POC1A: variants seen among roughly 807,000 people sequenced by gnomAD.
POC1A encodes POC1 centriolar protein A.
In POC1A, 34 loss-of-function variants were observed where a neutral mutation model predicts 47.8. That is an observed-to-expected ratio of 0.71 (90% CI 0.54 to 0.95). The LOEUF (loss-of-function observed/expected upper bound fraction) is 0.95. Among genes scored for constraint, POC1A ranks in the 40% least tolerant of loss-of-function variants. POC1A has a pLI of 0.00. For missense variants in POC1A, 466 were observed against 528.3 expected (o/e 0.88, Z 1.16); for synonymous variants, 177 against 207.6 (o/e 0.85, Z 1.27).
At chr3:52,076,404 C>T (rs1033414776) in intron 10 of POC1A, among the ~76,000 whole-genome samples, 1 of 152,236 alleles carries the variant, frequency 6.6e-6, no homozygotes, top group African/African-American at 2.4e-5. Flanking sequence ...CATCAACCAC[C>T]TCCACTCCAG....
At chr3:52,097,661 C>A (rs187646705) in intron 9 of POC1A, among the ~76,000 whole-genome samples, 1 of 152,314 alleles carries the variant, frequency 6.6e-6, no homozygotes, top group East Asian at 1.9e-4. Flanking sequence ...GTATTCTATT[C>A]TCATAGATCA....
intron 7 of POC1A, among the ~76,000 whole-genome samples, chr3:52,134,614 A>G (rs1055462003): frequency 2.0e-5 from 3 of 152,196 alleles, no homozygotes; most frequent in African/African-American, 7.2e-5. Flanking sequence ...CCTGGGCGAC[A>G]GGGCGAAACT....
intron 4 of POC1A, among the ~76,000 whole-genome samples, chr3:52,148,125 A>G (rs917704093): frequency 2.0e-5 from 3 of 152,206 alleles, no homozygotes; most frequent in Non-Finnish European, 4.4e-5. Context: ...CATCAGTGTC[A>G]TTACTCTGGG....
intron 10 of POC1A, among the ~76,000 whole-genome samples, chr3:52,082,248 C>T (rs139510200): frequency 5.2e-4 from 79 of 152,258 alleles, no homozygotes; most frequent in Non-Finnish European, 2.6e-4. Context: ...CAGAGTCCAG[C>T]GCAGGGGAGC....
chr3:52,145,548 C>T (rs1170277438), intron 6 of POC1A, among the ~76,000 whole-genome samples: 3 of 152,194 alleles, frequency 2.0e-5, no homozygotes, highest in African/African-American at 7.2e-5. Context: ...CTGACCAGAG[C>T]CCCAGTGAGG....
chr3:52,120,550 T>C (rs542072060), intron 9 of POC1A, among the ~76,000 whole-genome samples: 4 of 152,370 alleles, frequency 2.6e-5, no homozygotes, highest in East Asian at 3.9e-4. Context: ...TCAGGTACTA[T>C]GTGGAAATGT....
intron 9 of POC1A, among the ~76,000 whole-genome samples, chr3:52,116,524 T>C (rs138282359): frequency 1.3e-5 from 2 of 152,278 alleles, no homozygotes; most frequent in Non-Finnish European, 2.9e-5. Context: ...TGCTCTCTCA[T>C]CTGGGAGCAC....
intron 9 of POC1A, among the ~76,000 whole-genome samples, chr3:52,116,654 T>C (rs921573214): frequency 1.3e-5 from 2 of 152,144 alleles, no homozygotes; most frequent in African/African-American, 4.8e-5. Context: ...TTATAAGTGC[T>C]CCCATTATTG....
intron 6 of POC1A, among the ~76,000 whole-genome samples, chr3:52,144,951 G>A (rs746160986): frequency 7.9e-5 from 12 of 152,172 alleles, no homozygotes; most frequent in Non-Finnish European, 1.6e-4. Flanking sequence ...TTAAGGAAGC[G>A]AGCCCAAGAA....
intron 9 of POC1A, among the ~76,000 whole-genome samples, chr3:52,108,320 A>G (rs112336864): frequency 0.017 from 2,520 of 152,300 alleles, 59 homozygotes; most frequent in African/African-American, 0.053. Flanking sequence ...TGTCAGCTCC[A>G]CTTGCAGCTG....
chr3:52,147,409 G>C (rs1698403203), intron 4 of POC1A, among the ~76,000 whole-genome samples: 2 of 151,886 alleles, frequency 1.3e-5, no homozygotes, highest in African/African-American at 4.8e-5. Flanking sequence ...GAGTTTTTCA[G>C]GAAACTGTGA....
chr3:52,109,957 C>T (rs1703323121), intron 9 of POC1A, among the ~76,000 whole-genome samples: 7 of 152,122 alleles, frequency 4.6e-5, no homozygotes, highest in Non-Finnish European at 1.5e-5. Context: ...GCAGACTCTA[C>T]CACCCTCTGT....
chr3:52,139,164 T>C (rs1001274110), intron 6 of POC1A, among the ~76,000 whole-genome samples: 2 of 152,124 alleles, frequency 1.3e-5, no homozygotes, highest in African/African-American at 4.8e-5. Context: ...TGAGCCTCAG[T>C]TTCTCCATCT....
chr3:52,130,122 AC>A (rs753541588), intron 7 of POC1A, among the ~76,000 whole-genome samples: 5 of 152,132 alleles, frequency 3.3e-5, no homozygotes, highest in African/African-American at 7.2e-5. Context: ...ATGCTGGCAA[AC>A]CCACCACCAC....
rs1429920689 is a variant in POC1A at position 52,084,270 on chromosome 3, C to T, written c.1126-8285G>A. On this transcript the variant is annotated intron_variant, in intron 10 of 10. Coordinates refer to ENST00000296484, the MANE Select transcript of POC1A (RefSeq NM_015426.5). The surrounding 1 kb of genome is among the most constrained non-coding windows in gnomAD (Gnocchi z 4.3). ...AGGTCCCTTCCAGGAGCTGCTCCTC[C>T]TCCCATGACCATTGTTGTCACCACC... 2.0e-5 allele frequency among the ~76,000 whole-genome samples: 3 copies of T among 152,236 alleles called. No individual in the cohort carries two copies. The highest frequency in any genetic ancestry group is 2.9e-5 in the Non-Finnish European group (2 of 68,036).
At chr3:52,115,358 A>G (rs1703526076) in intron 9 of POC1A, among the ~76,000 whole-genome samples, 1 of 152,140 alleles carries the variant, frequency 6.6e-6, no homozygotes, top group African/African-American at 2.4e-5. Flanking sequence ...TCTAAGACAT[A>G]TAAATCTGGG....
rs778815204 is a variant in POC1A, at chr3:52,154,420, G to T, written c.-48C>A. 36 of 1,401,464 alleles carry T rather than the reference G, an allele frequency of 2.6e-5. No individual in the cohort carries two copies. Among genetic ancestry groups the T allele is most frequent in the Non-Finnish European group, 3.1e-5 (33 of 1,081,230 alleles). 86.8% of individuals were successfully genotyped at this position (1,401,464 alleles called of 1,614,324 possible). On this transcript the variant is annotated 5_prime_UTR_variant, in exon 1 of 11. Transcript: ENST00000296484. ...GCAGCTGCGGTGGCCGTTGCGGCCCGTTCAGTTTCCGCGCCCCCAACGGCC... is the reference window on the plus strand; with the variant it reads ...GCAGCTGCGGTGGCCGTTGCGGCCCTTTCAGTTTCCGCGCCCCCAACGGCC...
In POC1A at chr3:52,125,169, T is replaced by G. The variant is rs754986418; in HGVS notation, c.826A>C (p.Thr276Pro). The G allele has an allele frequency of 7.4e-6, 12 of 1,613,824 alleles. No individual in the cohort carries two copies. The highest frequency in any genetic ancestry group is 1.0e-5 in the Non-Finnish European group (12 of 1,179,772). The change falls in exon 8 of 11, where the codon ACT becomes CCT. Residue 276 changes from threonine to proline, a missense_variant. Physicochemically the swap from Thr to Pro is conservative, Grantham distance 38 (BLOSUM62 -1). Transcript: ENST00000296484. ...TCCCCCGTTCTTGAAAAGGCAACAG[T>G]GGTGGCTGGTCCCTGGCAGAACAAA... Reference protein sequence around the residue: ...TLHGHQGPATTVAFSRTGEYF... With the variant: ...TLHGHQGPATPVAFSRTGEYF...
chr3:52,148,467 G>C (rs924956084), intron 4 of POC1A, among the ~76,000 whole-genome samples: 1 of 152,244 alleles, frequency 6.6e-6, no homozygotes, highest in Non-Finnish European at 1.5e-5. Flanking sequence ...CTGAAGCAAA[G>C]ATATTTGACC....
Sources: allele counts gnomAD v4.1 joint callset (sites outside exome capture counted in the v4.1 genomes callset), GRCh38; gene constraint gnomAD v4.1.1; non-coding constraint Gnocchi (gnomAD v3.1); transcripts MANE v1.5; gene names NCBI Gene and HGNC (gene_info 2026-07-23, HGNC 2026-07-21).